CALN1: variants seen among roughly 807,000 people sequenced by gnomAD.
The protein encoded by CALN1 is calneuron 1, also known as calcium-binding protein 8.
Under a neutral mutation model 30.6 loss-of-function variants are expected in CALN1, and 17 were observed. The observed-to-expected ratio is 0.56, with a 90% CI of 0.38 to 0.83. The LOEUF is 0.83. CALN1 is among the 40% of genes least tolerant of loss of function. The probability of loss-of-function intolerance (pLI) is 0.00; values close to 1 mark genes in which losing one functional copy is unlikely to be tolerated. For synonymous variants in CALN1, 156 were observed against 131.4 expected, an observed-to-expected ratio of 1.19 and a Z score of -1.28; for missense variants, 291 against 354.9, an observed-to-expected ratio of 0.82 and a Z score of 1.45.
chr7:72,421,615 C>G (rs1232080888), intron 1 of CALN1, among the ~76,000 whole-genome samples: 1 of 99,218 alleles, frequency 1.0e-5, no homozygotes, highest in Admixed American at 1.5e-4. Context: ...CTAAGTCTTG[C>G]TCTGTCAGCC....
chr7:71,829,303 C>T (rs577618901), intron 5 of CALN1, among the ~76,000 whole-genome samples: 22 of 152,192 alleles, frequency 1.4e-4, no homozygotes, highest in African/African-American at 4.6e-4. Flanking sequence ...ATGGGGCAAG[C>T]GGCCACCCAC....
intron 2 of CALN1, among the ~76,000 whole-genome samples, chr7:72,371,391 G>A (rs1804233988): frequency 2.6e-5 from 4 of 152,168 alleles, no homozygotes; most frequent in Non-Finnish European, 5.9e-5. Context: ...CAGGTGGGAG[G>A]TAATTAAATC....
chr7:71,912,023 G>C (rs1794449988), intron 5 of CALN1, among the ~76,000 whole-genome samples: 2 of 151,920 alleles, frequency 1.3e-5, no homozygotes, highest in Non-Finnish European at 2.9e-5. Context: ...TCTGCTTGTG[G>C]ATAATTTTTT....
intron 3 of CALN1, among the ~76,000 whole-genome samples, chr7:72,124,211 T>C (rs1808585662): frequency 6.6e-6 from 1 of 152,090 alleles, no homozygotes. Flanking sequence ...AGGTAAATAG[T>C]GTGGTAAAGG....
intron 4 of CALN1, among the ~76,000 whole-genome samples, chr7:72,096,914 G>A (rs1303414680): frequency 1.3e-5 from 2 of 152,236 alleles, no homozygotes; most frequent in Non-Finnish European, 2.9e-5. Flanking sequence ...CAACCCAAAT[G>A]TCCATCAATG....
At chr7:71,874,280 A>T (rs1364648466) in intron 5 of CALN1, among the ~76,000 whole-genome samples, 11 of 50,954 alleles carry the variant, frequency 2.2e-4, no homozygotes, top group African/African-American at 1.2e-3. Flanking sequence ...CTCAAACATT[A>T]AAAAAAAAAA....
intron 3 of CALN1, among the ~76,000 whole-genome samples, chr7:72,149,196 C>T (rs777046580): frequency 4.0e-5 from 6 of 151,740 alleles, no homozygotes; most frequent in South Asian, 2.1e-4. Flanking sequence ...CCAGGCACAG[C>T]GGCTCGCATC....
In CALN1 at chr7:71,783,673, C is replaced by T. The variant is rs1792835804; in HGVS notation, c.*4102G>A. 1 of 152,684 alleles carries T rather than the reference C, an allele frequency of 6.5e-6. No individual in the cohort carries two copies. Among genetic ancestry groups the T allele is most frequent in the Admixed American group, 6.5e-5 (1 of 15,280 alleles). 9.5% of individuals were successfully genotyped at this position (152,684 alleles called of 1,614,324 possible). On this transcript the variant is annotated 3_prime_UTR_variant, in exon 7 of 7. Coordinates refer to ENST00000395275, the MANE Select transcript of CALN1 (RefSeq NM_031468.4). ...TTTAGGTGAAGAGCAACGTGCAAAA[C>T]TGTCTTTGATTTATGACCTGAGTCT... is the stretch of plus-strand genomic sequence containing the variant.
intron 5 of CALN1, among the ~76,000 whole-genome samples, chr7:71,819,008 G>A (rs536767944): frequency 1.5e-4 from 22 of 151,160 alleles, no homozygotes; most frequent in Non-Finnish European, 2.5e-4. Context: ...GCACCCACCC[G>A]ACCAGCTTAT....
chr7:71,927,768 GTGTCCC>G (rs1222073141), intron 5 of CALN1, among the ~76,000 whole-genome samples: 1 of 152,132 alleles, frequency 6.6e-6, no homozygotes, highest in Non-Finnish European at 1.5e-5. Context: ...GGAAGGCCCT[GTGTCCC>G]TAAGTCTTGC....
At chr7:72,278,903 C>CTTTA in intron 2 of CALN1, 93 bp from the exon 3 acceptor site, 1 of 1,490,896 alleles carries the variant, frequency 6.7e-7, no homozygotes, top group Non-Finnish European at 9.1e-7. Flanking sequence ...TTCAGATGGC[C>CTTTA]AGTGTCATTT....
chr7:71,858,949 T>C (rs1554357848), intron 5 of CALN1, among the ~76,000 whole-genome samples: 2 of 152,232 alleles, frequency 1.3e-5, no homozygotes, highest in Non-Finnish European at 2.9e-5. Context: ...CTAAATTGAC[T>C]GAGACCTGTC....
intron 5 of CALN1, among the ~76,000 whole-genome samples, chr7:71,882,845 C>A (rs1792657696): frequency 1.5e-5 from 2 of 130,398 alleles, no homozygotes; most frequent in Non-Finnish European, 3.2e-5. Flanking sequence ...CCATGCCCAT[C>A]TAATTTGTGT....
intron 5 of CALN1, among the ~76,000 whole-genome samples, chr7:71,966,679 T>C (rs917611842): frequency 6.6e-6 from 1 of 152,176 alleles, no homozygotes; most frequent in Non-Finnish European, 1.5e-5. Flanking sequence ...AAGAGCCAAT[T>C]AAACCTCTCT....
At chr7:72,234,847 C>T (rs554094329) in intron 3 of CALN1, among the ~76,000 whole-genome samples, 31 of 152,116 alleles carry the variant, frequency 2.0e-4, no homozygotes, top group Admixed American at 2.0e-3. Context: ...TAGATATCCC[C>T]TAAGTACTTA....
chr7:72,405,341 G>A (rs1462557516), intron 1 of CALN1, among the ~76,000 whole-genome samples: 4 of 152,172 alleles, frequency 2.6e-5, no homozygotes, highest in Non-Finnish European at 2.9e-5. Context: ...GACCAGCCTT[G>A]TAACACTCAT....
intron 2 of CALN1, among the ~76,000 whole-genome samples, chr7:72,340,395 T>G (rs1802325899): frequency 6.6e-6 from 1 of 151,952 alleles, no homozygotes; most frequent in African/African-American, 2.4e-5. Flanking sequence ...AGATGTCTGC[T>G]TTTTTAAGTC....
intron 2 of CALN1, among the ~76,000 whole-genome samples, chr7:72,401,574 C>G (rs1024438990): frequency 2.0e-5 from 3 of 152,146 alleles, no homozygotes; most frequent in African/African-American, 7.2e-5. Context: ...TGTTCAGCCC[C>G]AAAGGAGAAG....
chr7:72,260,068 C>T (rs1348664229), intron 3 of CALN1, among the ~76,000 whole-genome samples: 2 of 152,062 alleles, frequency 1.3e-5, no homozygotes, highest in African/African-American at 2.4e-5. Flanking sequence ...ACCATCTCTA[C>T]AAAAAATGTA....
Sources: gnomAD v4.1 joint callset for allele counts (sites outside exome capture counted in the v4.1 genomes callset) on GRCh38, gnomAD v4.1.1 for gene constraint, MANE v1.5 for transcripts, NCBI Gene and HGNC (gene_info 2026-07-23, HGNC 2026-07-21) for gene names.